Variants in RFX8 observed in about 807,000 individuals in gnomAD.
The protein encoded by RFX8 is DNA-binding protein RFX8.
In RFX8, 46 loss-of-function variants were observed where a neutral mutation model predicts 54.6. The ratio of observed to expected loss-of-function variants is 0.84; its 90% CI spans 0.67 to 1.08. The LOEUF (loss-of-function observed/expected upper bound fraction) is 1.08. Ranked by LOEUF, RFX8 falls within the 50% of genes least tolerant of loss-of-function variation. The pLI is 0.00. For synonymous variants in RFX8, 192 were observed against 209.5 expected, an observed-to-expected ratio of 0.92 and a Z score of 0.72; for missense variants, 536 against 562.3, an observed-to-expected ratio of 0.95 and a Z score of 0.47.
intron 2 of RFX8, among the ~76,000 whole-genome samples, chr2:101,447,914 T>C (rs1688478218): frequency 6.6e-6 from 1 of 152,240 alleles, no homozygotes; most frequent in Non-Finnish European, 1.5e-5. Flanking sequence ...CTCCAGTTCT[T>C]GCTCTTGGCT....
At position 101,414,898 on chromosome 2, in the gene RFX8, C is replaced by G; in HGVS notation, c.517G>C (p.Val173Leu). ...ISKLKEVTLF[V>L]KRLRRKTYLS... Reference sequence around the variant, plus strand: ...TACGTCTTTCTTCTTAGTCTTTTGACAAATAGAGTAACTTCTGTTAAGAAC... The same window carrying G: ...TACGTCTTTCTTCTTAGTCTTTTGAGAAATAGAGTAACTTCTGTTAAGAAC... The change falls in exon 7 of 12, where the codon GTC (valine) becomes CTC (leucine). Residue 173 changes from valine (V) to leucine (L), a missense_variant. Val to Leu is a conservative substitution (Grantham distance 32, BLOSUM62 1). Transcript: ENST00000428343. 1 of 1,549,906 alleles carries G rather than the reference C, an allele frequency of 6.5e-7. No individual in the cohort carries two copies. Among genetic ancestry groups the G allele is most frequent in the East Asian group, 2.4e-5 (1 of 40,886 alleles).
At chr2:101,466,700 T>C (rs1689590961) in intron 2 of RFX8, 77 bp downstream of exon 2, 8 of 1,039,876 alleles carry the variant, frequency 7.7e-6, no homozygotes, top group South Asian at 6.8e-5. Context: ...TCAAATACAT[T>C]GCAACATTTC....
chr2:101,447,421 G>T (rs771443198), intron 2 of RFX8, among the ~76,000 whole-genome samples: 7 of 152,186 alleles, frequency 4.6e-5, no homozygotes, highest in Non-Finnish European at 1.0e-4. Flanking sequence ...CAGTTCTGGA[G>T]AATGAGAAGT....
At chr2:101,401,208 C>T (rs892455380) in intron 11 of RFX8, among the ~76,000 whole-genome samples, 8 of 152,170 alleles carry the variant, frequency 5.3e-5, no homozygotes, top group African/African-American at 1.9e-4. Context: ...GAAACAAAGA[C>T]CAAATACAGA....
At chr2:101,429,430 T>A (rs1256478419) in intron 2 of RFX8, among the ~76,000 whole-genome samples, 1 of 152,166 alleles carries the variant, frequency 6.6e-6, no homozygotes, top group East Asian at 1.9e-4. Flanking sequence ...GCAAAGAAAC[T>A]GGTAATTAAT....
At chr2:101,450,102 C>T (rs1277038967) in intron 2 of RFX8, among the ~76,000 whole-genome samples, 1 of 152,108 alleles carries the variant, frequency 6.6e-6, no homozygotes, top group Non-Finnish European at 1.5e-5. Context: ...GACAAAGGGA[C>T]ATTGGTTAAA....
rs1289576617 is a variant in RFX8 at position 101,466,762 on chromosome 2, T to A, written c.72+15A>T. On this transcript the variant is annotated intron_variant, in intron 2 of 11. Coordinates refer to ENST00000428343, the MANE Select transcript of RFX8 (RefSeq NM_001145664.2). ...CACTCAGTGAATAGAGCGTTCTTAA[T>A]CTTCAACAACTTACCTTCCCAAAGG... 1 of 1,540,132 alleles carries A rather than the reference T, an allele frequency of 6.5e-7. No individual in the cohort carries two copies.
At chr2:101,431,356 C>T (rs192512009) in intron 2 of RFX8, among the ~76,000 whole-genome samples, 2 of 152,274 alleles carry the variant, frequency 1.3e-5, no homozygotes, top group Admixed American at 1.3e-4. Context: ...GTGTCGGGTG[C>T]TAGGAAAACG....
chr2:101,446,819 G>A (rs1318713091), intron 2 of RFX8, among the ~76,000 whole-genome samples: 1 of 115,796 alleles, frequency 8.6e-6, no homozygotes, highest in Non-Finnish European at 1.8e-5. Flanking sequence ...GGGGGTGGGG[G>A]GGCACACAAT....
intron 2 of RFX8, among the ~76,000 whole-genome samples, chr2:101,466,222 T>G (rs2148994035): frequency 6.6e-6 from 1 of 150,754 alleles, no homozygotes; most frequent in East Asian, 1.9e-4. Context: ...GGCAGGAGGC[T>G]CATTTGAACC....
intron 9 of RFX8, among the ~76,000 whole-genome samples, chr2:101,409,628 TA>T (rs1248707956): frequency 6.6e-6 from 1 of 152,068 alleles, no homozygotes. Context: ...ACCTCCCGAG[TA>T]GCTGGGATTA....
intron 2 of RFX8, among the ~76,000 whole-genome samples, chr2:101,438,150 G>A (rs953958134): frequency 2.6e-5 from 4 of 151,982 alleles, no homozygotes; most frequent in South Asian, 2.1e-4. Flanking sequence ...GATAAATGGG[G>A]TATCGACCAC....
intron 2 of RFX8, among the ~76,000 whole-genome samples, chr2:101,457,787 T>C (rs1689066088): frequency 6.6e-6 from 1 of 152,228 alleles, no homozygotes; most frequent in African/African-American, 2.4e-5. Context: ...CTCATTGATC[T>C]GTCTAAAGTT....
At chr2:101,409,192 T>G (rs1685939037) in intron 9 of RFX8, among the ~76,000 whole-genome samples, 1 of 152,154 alleles carries the variant, frequency 6.6e-6, no homozygotes, top group African/African-American at 2.4e-5. Context: ...GGGCCCGGGC[T>G]GCCTCATTTC....
At chr2:101,440,715 G>C (rs1387227125) in intron 2 of RFX8, among the ~76,000 whole-genome samples, 4 of 152,158 alleles carry the variant, frequency 2.6e-5, no homozygotes, top group African/African-American at 9.7e-5. Context: ...AGTCCTGTGA[G>C]TCCTTCTACT....
chr2:101,450,614 T>G, intron 2 of RFX8: 1 of 1,504,080 alleles, frequency 6.6e-7, no homozygotes. Flanking sequence ...TTTTTTCACC[T>G]ATCAGGTAGC....
intron 9 of RFX8, among the ~76,000 whole-genome samples, chr2:101,410,127 A>G (rs1686022779): frequency 6.6e-6 from 1 of 151,966 alleles, no homozygotes; most frequent in Non-Finnish European, 1.5e-5. Flanking sequence ...CTTTGCTGCA[A>G]TACACACCTG....
At chr2:101,412,376 A>G (rs866249301) in intron 8 of RFX8, among the ~76,000 whole-genome samples, 1 of 152,226 alleles carries the variant, frequency 6.6e-6, no homozygotes, top group African/African-American at 2.4e-5. Context: ...AAAAACAATG[A>G]CAATGATCAA....
intron 2 of RFX8, among the ~76,000 whole-genome samples, chr2:101,424,991 T>C (rs373311880): frequency 4.0e-5 from 6 of 151,802 alleles, no homozygotes; most frequent in East Asian, 1.9e-4. Context: ...GTTGTGCACA[T>C]GTACCCTATA....
Sources: allele counts gnomAD v4.1 joint callset (sites outside exome capture counted in the v4.1 genomes callset), GRCh38; gene constraint gnomAD v4.1.1; transcripts MANE v1.5; gene names NCBI Gene and HGNC (gene_info 2026-07-23, HGNC 2026-07-21).